Variants in DZIP1L observed in about 807,000 individuals in gnomAD.
DZIP1L encodes the protein cilium assembly protein DZIP1L.
DZIP1L carries 90 observed loss-of-function variants against 88.7 expected under a neutral mutation model. That is an observed-to-expected ratio of 1.02 (90% CI 0.86 to 1.21). The LOEUF (loss-of-function observed/expected upper bound fraction) is 1.21. Ranked by LOEUF, DZIP1L falls within the 50% of genes most tolerant of loss-of-function variation. The pLI, the probability that DZIP1L is intolerant of heterozygous loss-of-function variation, is 0.00. For synonymous variants in DZIP1L, 363 were observed against 372.1 expected (o/e 0.98, Z 0.28); for missense variants, 932 against 955.8 (o/e 0.98, Z 0.33).
intron 1 of DZIP1L, 129 bp from the exon 2 acceptor site, chr3:138,104,181 G>T: frequency 1.2e-6 from 1 of 848,254 alleles, no homozygotes; most frequent in Non-Finnish European, 1.8e-6. Flanking sequence ...TTCATGGTGT[G>T]TGCTGACATG....
intron 1 of DZIP1L, among the ~76,000 whole-genome samples, chr3:138,114,999 C>G (rs895933005): frequency 2.0e-5 from 3 of 152,210 alleles, no homozygotes; most frequent in African/African-American, 7.2e-5. Context: ...AAAGTAAAAA[C>G]CCAAGGCCGT....
In DZIP1L at chr3:138,064,759, C is replaced by G. The variant is rs369063453; in HGVS notation, c.2011G>C (p.Val671Leu). 3.8e-6 allele frequency: 6 copies of G among 1,578,058 alleles called. No homozygotes were observed. The African/African-American group carries it at 8.2e-5, about 22-fold the overall frequency. ...QPPGQGSGTL[V>L]QSMVKNLEKQ... is the part of the protein sequence containing the mutation. Reference sequence around the variant, plus strand: ...TCCAGGTTTTTGACCATCGACTGCACCAGTGTTCCTGGAAGGTGAAAAAGT... The same window carrying G: ...TCCAGGTTTTTGACCATCGACTGCAGCAGTGTTCCTGGAAGGTGAAAAAGT... The change falls in exon 15 of 16, where the codon GTG becomes CTG. Residue 671 changes from valine (V) to leucine (L), a missense_variant. Physicochemically the swap from Val to Leu is conservative, Grantham distance 32. Coordinates refer to ENST00000327532, the MANE Select transcript of DZIP1L (RefSeq NM_173543.3).
At chr3:138,086,818 A>G in intron 7 of DZIP1L, 143 bp downstream of exon 7, 1 of 827,784 alleles carries the variant, frequency 1.2e-6, no homozygotes, top group South Asian at 1.7e-5. Context: ...TGGGGACAGT[A>G]GCCAGGAGCA....
chr3:138,071,838 A>G lies in DZIP1L; in HGVS notation c.1423-3T>C, dbSNP rs1943195285. ...TGAATCGAGATTCCCTTTGCATCCT[A>G]GAGGAGACAGGAGTTCACCTTTACA... On this transcript the variant is annotated splice_region_variant and splice_polypyrimidine_tract_variant and intron_variant, in intron 11 of 15. Transcript: ENST00000327532. 1.9e-6 allele frequency: 3 copies of G among 1,610,212 alleles called. No individual in the cohort carries two copies. The highest frequency in any genetic ancestry group is 1.1e-5 in the South Asian group (1 of 90,656).
intron 2 of DZIP1L, among the ~76,000 whole-genome samples, chr3:138,098,225 C>T (rs1944568547): frequency 6.6e-6 from 1 of 152,226 alleles, no homozygotes; most frequent in South Asian, 2.1e-4. Flanking sequence ...TCAAAATAAT[C>T]CAGAAGTGAG....
intron 3 of DZIP1L, 96 bp downstream of exon 3, chr3:138,097,667 C>A: frequency 9.1e-7 from 1 of 1,097,474 alleles, no homozygotes; most frequent in African/African-American, 1.6e-5. Flanking sequence ...GTTCTGAGAG[C>A]AGTTTTGGGT....
chr3:138,082,081 T>A (rs552811957), intron 8 of DZIP1L, among the ~76,000 whole-genome samples: 15 of 152,168 alleles, frequency 9.9e-5, no homozygotes, highest in Admixed American at 8.5e-4. Context: ...TTGTTCCTAT[T>A]GGTATAATTC....
chr3:138,089,965 A>G (rs1201176514), intron 5 of DZIP1L, among the ~76,000 whole-genome samples: 2 of 152,030 alleles, frequency 1.3e-5, no homozygotes. Flanking sequence ...TAACATGGCG[A>G]AACCCCATCT....
chr3:138,111,034 G>C (rs1228178469), intron 1 of DZIP1L, among the ~76,000 whole-genome samples: 2 of 152,118 alleles, frequency 1.3e-5, no homozygotes, highest in Non-Finnish European at 2.9e-5. Flanking sequence ...CCAAGGAAGG[G>C]CCCATACCAG....
At chr3:138,085,951 T>C (rs1302904240) in intron 7 of DZIP1L, among the ~76,000 whole-genome samples, 1 of 152,196 alleles carries the variant, frequency 6.6e-6, no homozygotes, top group East Asian at 1.9e-4. Flanking sequence ...GTTCATGTCC[T>C]TTGTAGGGAC....
At position 138,084,382 on chromosome 3, in the gene DZIP1L, C is replaced by T. The variant is rs1943825941; in HGVS notation, c.1063-129G>A. The T allele has an allele frequency of 2.3e-6, 3 of 1,276,798 alleles. No individual in the cohort carries two copies. In the East Asian group the frequency reaches 7.8e-5, roughly 33 times the overall value. 79.1% of individuals were successfully genotyped at this position (1,276,798 alleles called of 1,614,324 possible). A position where few individuals can be genotyped will look rare whatever the true frequency, so the allele number is the denominator to read the frequency against. On this transcript the variant is annotated intron_variant, in intron 7 of 15. Coordinates refer to ENST00000327532, the MANE Select transcript of DZIP1L (RefSeq NM_173543.3). ...TAAAGGATTTTGAGACCTGGACAGG[C>T]TTTCTAACAAGACAACCTTCCAGTC...
Position 138,067,047 on chromosome 3 carries a change from T to C in DZIP1L, c.2002+484A>G, listed in dbSNP as rs116214337. 2.0e-3 allele frequency among the ~76,000 whole-genome samples: 312 copies of C among 152,198 alleles called. 1 individual carries two copies. The highest frequency in any genetic ancestry group is 7.2e-3 in the African/African-American group (300 of 41,534). The stretch of plus-strand genomic sequence containing the variant: ...AACCCAGCCCTGCACACAAGTAAGA[T>C]TGGGATCTGGATTTGGGGAGGCTGG... On this transcript the variant is annotated intron_variant, in intron 14 of 15. Coordinates refer to ENST00000327532, the MANE Select transcript of DZIP1L (RefSeq NM_173543.3).
chr3:138,113,033 G>A (rs150740842), intron 1 of DZIP1L, among the ~76,000 whole-genome samples: 75 of 152,330 alleles, frequency 4.9e-4, no homozygotes, highest in African/African-American at 1.7e-3. Flanking sequence ...ACAGGGTTTT[G>A]GGAAACTTCC....
Position 138,062,555 on chromosome 3 carries a change from C to T in DZIP1L, c.*261G>A. ...GGGATGTGGAGGTAGAGGAAGAAAA[C>T]TACCTGGAGGTTCTATTTTAACCCT... On this transcript the variant is annotated 3_prime_UTR_variant, in exon 16 of 16. Coordinates refer to ENST00000327532, the MANE Select transcript of DZIP1L (RefSeq NM_173543.3). The T allele has an allele frequency of 2.5e-6, 1 of 395,204 alleles. No individual in the cohort carries two copies. The highest frequency in any genetic ancestry group is 4.6e-6 in the Non-Finnish European group (1 of 217,352). 24.5% of individuals were successfully genotyped at this position (395,204 alleles called of 1,614,324 possible).
intron 2 of DZIP1L, chr3:138,101,381 G>T (rs537983005): frequency 1.0e-5 from 7 of 668,992 alleles, no homozygotes; most frequent in Non-Finnish European, 1.9e-5. Context: ...CCTCAGGTGG[G>T]TCTCCCGTTC....
intron 2 of DZIP1L, chr3:138,102,836 C>A: frequency 1.4e-6 from 1 of 714,356 alleles, no homozygotes; most frequent in Non-Finnish European, 2.6e-6. Context: ...GCACTGGGCC[C>A]ACTCATGTAG....
intron 1 of DZIP1L, chr3:138,113,466 A>G (rs914667334): frequency 3.9e-5 from 6 of 152,200 alleles, no homozygotes; most frequent in African/African-American, 1.4e-4. Flanking sequence ...CTGCCAGGCA[A>G]TCATTTACAA....
At chr3:138,087,149 C>G in intron 6 of DZIP1L, 126 bp from the exon 7 acceptor site, 1 of 771,132 alleles carries the variant, frequency 1.3e-6, no homozygotes, top group Non-Finnish European at 2.1e-6. Context: ...AATAGAAAAT[C>G]CAGACAAAGA....
intron 15 of DZIP1L, among the ~76,000 whole-genome samples, chr3:138,064,034 G>C (rs1942787843): frequency 6.6e-6 from 1 of 152,218 alleles, no homozygotes; most frequent in Non-Finnish European, 1.5e-5. Flanking sequence ...GGAGAGACGG[G>C]CAGTGAGGAG....
Sources: allele counts gnomAD v4.1 joint callset (sites outside exome capture counted in the v4.1 genomes callset), GRCh38; gene constraint gnomAD v4.1.1; transcripts MANE v1.5; gene names NCBI Gene and HGNC (gene_info 2026-07-23, HGNC 2026-07-21).